ALOX12: variants seen among roughly 807,000 people sequenced by gnomAD.
ALOX12 encodes arachidonate 12-lipoxygenase, 12S type, also known as polyunsaturated fatty acid lipoxygenase ALOX12.
ALOX12 carries 62 observed loss-of-function variants against 85.5 expected under a neutral mutation model. That is an observed-to-expected ratio of 0.73 (90% CI 0.59 to 0.90). ALOX12 has a LOEUF of 0.90. Among genes scored for constraint, ALOX12 ranks in the 40% least tolerant of loss-of-function variants. ALOX12 has a pLI of 0.00. For missense variants in ALOX12, 751 were observed against 856.5 expected, an observed-to-expected ratio of 0.88 and a Z score of 1.54; for synonymous variants, 299 against 332.7, an observed-to-expected ratio of 0.90 and a Z score of 1.10.
At chr17:7,007,114 C>G (rs2151646360) in intron 11 of ALOX12, among the ~76,000 whole-genome samples, 1 of 152,294 alleles carries the variant, frequency 6.6e-6, no homozygotes, top group East Asian at 1.9e-4. Context: ...GCTCTTGATG[C>G]AAGCTCAATC....
At chr17:7,004,175 T>G (rs1309722154) in intron 8 of ALOX12, among the ~76,000 whole-genome samples, 1 of 145,532 alleles carries the variant, frequency 6.9e-6, no homozygotes, top group African/African-American at 2.5e-5. Flanking sequence ...AAATTTAAAT[T>G]TAATTTTAAA....
chr17:7,008,954 A>G (rs776310429), intron 11 of ALOX12, among the ~76,000 whole-genome samples: 5 of 152,250 alleles, frequency 3.3e-5, no homozygotes, highest in Admixed American at 6.5e-5. Context: ...ATTTTTAAAT[A>G]GAGACAGGCT....
chr17:6,999,917 G>A (rs1308392362), intron 6 of ALOX12, among the ~76,000 whole-genome samples: 23 of 152,162 alleles, frequency 1.5e-4, no homozygotes, highest in Non-Finnish European at 1.6e-4. Flanking sequence ...GGGGTAGTAG[G>A]GGAAGCTCTC....
chr17:7,005,158 C>A, intron 8 of ALOX12, 99 bp from the exon 9 acceptor site: 4 of 1,020,696 alleles, frequency 3.9e-6, no homozygotes, highest in East Asian at 2.4e-5. Context: ...TAAAGGAAAG[C>A]ATCAAGAGGA....
In ALOX12 at chr17:7,009,858, C is replaced by G; in HGVS notation, c.1641+11C>G. 6.2e-7 allele frequency: 1 copy of G among 1,614,118 alleles called. No individual in the cohort carries two copies. Among genetic ancestry groups the G allele is most frequent in the Non-Finnish European group, 8.5e-7 (1 of 1,179,956 alleles). On this transcript the variant is annotated intron_variant, in intron 12 of 13. Coordinates refer to ENST00000251535, the MANE Select transcript of ALOX12 (RefSeq NM_000697.3). ...ATCAACCAGGGCCAGGTATGGACAG[C>G]TGAAAGCCCAGGTCCCTGAAGGCAA... is the stretch of plus-strand genomic sequence containing the variant.
chr17:7,002,897 G>A (rs1008385205), intron 8 of ALOX12, among the ~76,000 whole-genome samples: 3 of 152,078 alleles, frequency 2.0e-5, no homozygotes, highest in Non-Finnish European at 2.9e-5. Flanking sequence ...TTGATGTATT[G>A]GCAAGATATG....
chr17:6,996,352 G>A (rs1908437507), intron 1 of ALOX12, 100 bp downstream of exon 1: 3 of 1,191,600 alleles, frequency 2.5e-6, no homozygotes, highest in Non-Finnish European at 3.1e-6. Flanking sequence ...CTGGGGGCGA[G>A]GTGACAGCGC....
Position 7,010,746 on chromosome 17 carries a change from G to A in ALOX12, c.*323G>A. 4.3e-6 allele frequency: 1 copy of A among 230,886 alleles called. No homozygotes were observed. The highest frequency in any genetic ancestry group is 2.3e-5 in the African/African-American group (1 of 44,252). The allele number at this position is 230,886 out of a possible 1,614,324, so 14.3% of individuals were successfully genotyped here. A position where few individuals can be genotyped will look rare whatever the true frequency, so the allele number is the denominator to read the frequency against. ...ACTTTATGGACACTGAGATATGAAT[G>A]TTACATCACAAAGTAGTCTTCTTTT... On this transcript the variant is annotated 3_prime_UTR_variant, in exon 14 of 14. Transcript: ENST00000251535.
rs376098260 is a variant in ALOX12 at position 7,001,592 on chromosome 17, T to C, written c.952-10T>C. The C allele has an allele frequency of 1.1e-5, 18 of 1,606,826 alleles. No individual in the cohort carries two copies. Among genetic ancestry groups the C allele is most frequent in the African/African-American group, 2.7e-5 (2 of 74,950 alleles). On this transcript the variant is annotated splice_polypyrimidine_tract_variant and intron_variant, in intron 7 of 13. Transcript: ENST00000251535. Reference sequence around the variant, plus strand: ...CGGAATGGGAGTTCAATAATTTCTCTTTCTCCCAGATTCAGCCTCCCAACC... The same window carrying C: ...CGGAATGGGAGTTCAATAATTTCTCCTTCTCCCAGATTCAGCCTCCCAACC...
intron 8 of ALOX12, 80 bp downstream of exon 8, chr17:7,001,891 G>A: frequency 7.8e-7 from 1 of 1,280,152 alleles, no homozygotes; most frequent in East Asian, 2.4e-5. Flanking sequence ...TATTGCAGCA[G>A]CAAAAACTCT....
Position 6,999,366 on chromosome 17 carries a change from C to T in ALOX12, c.707C>T (p.Ala236Val), listed in dbSNP as rs754344753. ...ELFSYQFLNG[A>V]NPMLLRRSTS... ...TTCAGCTACCAGTTCCTCAATGGTG[C>T]CAACCCCATGCTGTTGAGACGCTCG... is the stretch of plus-strand genomic sequence containing the variant. Residue 236 changes from alanine (A) to valine (V), a missense_variant, in exon 6 of 14, where the codon GCC becomes GTC. Coordinates refer to ENST00000251535, the MANE Select transcript of ALOX12 (RefSeq NM_000697.3). 1.2e-6 allele frequency: 2 copies of T among 1,614,200 alleles called. No homozygotes were observed. Among genetic ancestry groups the T allele is most frequent in the Non-Finnish European group, 1.7e-6 (2 of 1,180,012 alleles).
At chr17:7,007,037 T>C (rs1457939273) in intron 11 of ALOX12, among the ~76,000 whole-genome samples, 2 of 152,180 alleles carry the variant, frequency 1.3e-5, no homozygotes, top group African/African-American at 4.8e-5. Context: ...CCTCTCTTCC[T>C]GCCTGCCACT....
intron 5 of ALOX12, 89 bp from the exon 6 acceptor site, chr17:6,999,217 G>A: frequency 6.4e-7 from 1 of 1,552,690 alleles, no homozygotes; most frequent in Non-Finnish European, 8.8e-7. Context: ...GGTTCAGGGA[G>A]GGTTATATAC....
At chr17:7,004,227 T>C (rs946569952) in intron 8 of ALOX12, among the ~76,000 whole-genome samples, 5 of 119,272 alleles carry the variant, frequency 4.2e-5, no homozygotes, top group Admixed American at 2.4e-4. Flanking sequence ...ATTAATTTAA[T>C]TTAATATTAA....
chr17:7,004,217 AT>A (rs1197238898), intron 8 of ALOX12, among the ~76,000 whole-genome samples: 1 of 116,478 alleles, frequency 8.6e-6, no homozygotes, highest in Non-Finnish European at 1.8e-5. Flanking sequence ...TTAATATTAA[AT>A]TAATTTAATT....
intron 8 of ALOX12, among the ~76,000 whole-genome samples, chr17:7,003,500 C>G (rs981055417): frequency 1.3e-5 from 2 of 152,144 alleles, no homozygotes; most frequent in African/African-American, 4.8e-5. Context: ...AATCATAACT[C>G]ACTGCAGCTT....
chr17:6,996,659 TCC>T (rs1908453606), intron 1 of ALOX12, among the ~76,000 whole-genome samples, 165 bp from the exon 2 acceptor site: 1 of 152,070 alleles, frequency 6.6e-6, no homozygotes, highest in African/African-American at 2.4e-5. Flanking sequence ...TCCACCCGAC[TCC>T]GGGCGTCTGA....
At chr17:7,006,162 G>C in intron 10 of ALOX12, 135 bp downstream of exon 10, 1 of 826,670 alleles carries the variant, frequency 1.2e-6, no homozygotes, top group Non-Finnish European at 1.9e-6. Flanking sequence ...ATGAGGAAAA[G>C]TGAGGACACA....
At position 7,005,976 on chromosome 17, in the gene ALOX12, C is replaced by G. The variant is rs757544891; in HGVS notation, c.1367C>G (p.Pro456Arg). The G allele has an allele frequency of 4.4e-6, 7 of 1,605,374 alleles. No individual in the cohort carries two copies. The highest frequency in any genetic ancestry group is 5.9e-6 in the Non-Finnish European group (7 of 1,177,336). Residue 456 changes from proline (P) to arginine (R), a missense_variant, in exon 10 of 14, where the codon CCA becomes CGA. Transcript: ENST00000251535. The part of the protein sequence containing the change: ...DLADRGLLGL[P>R]GALYAHDALR... ...GCTGACCGGGGCCTGCTGGGACTCC[C>G]AGGTGCTCTCTATGCCCATGATGCT...
Sources: gnomAD v4.1 joint callset for allele counts (sites outside exome capture counted in the v4.1 genomes callset) on GRCh38, gnomAD v4.1.1 for gene constraint, MANE v1.5 for transcripts, NCBI Gene and HGNC (gene_info 2026-07-23, HGNC 2026-07-21) for gene names.